Variants in MYH11 observed in about 807,000 individuals in gnomAD.
MYH11 encodes myosin heavy chain 11.
Under a neutral mutation model 246.6 loss-of-function variants are expected in MYH11, and 80 were observed. The observed-to-expected ratio is 0.32, with a 90% CI of 0.27 to 0.39. The LOEUF (loss-of-function observed/expected upper bound fraction) is 0.39, where lower values mean the gene tolerates loss of function less well. Ranked by LOEUF, MYH11 falls within the 10% of genes least tolerant of loss-of-function variation. MYH11 has a pLI of 1.00. For synonymous variants in MYH11, 1,071 were observed against 1,015.5 expected (o/e 1.05, Z -1.04); for missense variants, 2,158 against 2,546.8 (o/e 0.85, Z 3.29).
chr16:15,855,200 C>T (rs1011103607), intron 1 of MYH11, among the ~76,000 whole-genome samples: 4 of 152,192 alleles, frequency 2.6e-5, no homozygotes, highest in Non-Finnish European at 4.4e-5. Context: ...GGCGGCTTCT[C>T]GGAAAAGACC....
At position 15,718,475 on chromosome 16, in the gene MYH11, T is replaced by TC. The variant is rs774173089; in HGVS notation, c.5172-38dup. 2.0e-6 allele frequency: 3 copies of TC among 1,536,064 alleles called. No homozygotes were observed. The African/African-American group carries it at 4.1e-5, about 21-fold the overall frequency. ...GCGGCCATGGTGGGGGCCTCTACCC[T>TC]CCCCCGCCTTAAAAGATGCCCCCTC... On this transcript the variant is annotated intron_variant, in intron 36 of 40. Transcript: ENST00000300036.
intron 2 of MYH11, among the ~76,000 whole-genome samples, chr16:15,826,286 A>T (rs1006400050): frequency 2.0e-5 from 3 of 152,042 alleles, no homozygotes; most frequent in African/African-American, 7.2e-5. Context: ...GCTGGAGCCA[A>T]TTAGAGAGTG....
rs1043788184 is a variant in MYH11, at chr16:15,721,231, C to G, written c.4579-180G>C. 5 of 927,056 alleles carry G rather than the reference C, an allele frequency of 5.4e-6. No individual in the cohort carries two copies. In the Admixed American group the frequency reaches 8.1e-5, roughly 15 times the overall value. The allele number at this position is 927,056 out of a possible 1,614,324, so 57.4% of individuals were successfully genotyped here. A position where few individuals can be genotyped will look rare whatever the true frequency, so the allele number is the denominator to read the frequency against. On this transcript the variant is annotated intron_variant, in intron 32 of 40. Coordinates refer to ENST00000300036, the MANE Select transcript of MYH11 (RefSeq NM_002474.3). The stretch of plus-strand genomic sequence containing the variant: ...GACCCCAGCCTTATCCTCGGACCCC[C>G]CAACTCAGACCCATCCTCGACTGCC...
intron 2 of MYH11, among the ~76,000 whole-genome samples, chr16:15,832,844 G>C (rs559971892): frequency 6.7e-6 from 1 of 149,978 alleles, no homozygotes; most frequent in Admixed American, 6.7e-5. Context: ...ATCATAGGTA[G>C]TCACCCTGGC....
chr16:15,798,555 G>A, intron 4 of MYH11, 105 bp downstream of exon 4: 2 of 1,164,292 alleles, frequency 1.7e-6, no homozygotes, highest in Non-Finnish European at 2.4e-6. Context: ...ACAAATCAAA[G>A]ATCTCTGCAC....
At chr16:15,848,232 T>G (rs76910219) in intron 1 of MYH11, among the ~76,000 whole-genome samples, 1 of 29,126 alleles carries the variant, frequency 3.4e-5, no homozygotes, top group Non-Finnish European at 1.2e-4. Flanking sequence ...CTAAGTCTTT[T>G]TTTTTTTTTT....
At chr16:15,816,726 T>C (rs2043272153) in intron 3 of MYH11, among the ~76,000 whole-genome samples, 1 of 151,528 alleles carries the variant, frequency 6.6e-6, no homozygotes, top group African/African-American at 2.4e-5. Flanking sequence ...ATACCTAAAA[T>C]TGAAAACAAA....
chr16:15,814,326 G>T (rs62030623), intron 3 of MYH11, among the ~76,000 whole-genome samples: 19,163 of 151,842 alleles, frequency 0.13, 1,275 homozygotes, highest in East Asian at 0.15. Context: ...GCCGAGTTGG[G>T]TGGATCACCT....
intron 12 of MYH11, 106 bp from the exon 13 acceptor site, chr16:15,758,106 A>T (rs1241737731): frequency 2.0e-6 from 3 of 1,528,424 alleles, no homozygotes; most frequent in Non-Finnish European, 2.7e-6. Flanking sequence ...GCCCGCCCAC[A>T]TCCTGTTCTG....
chr16:15,809,044 A>C (rs2043078234), intron 3 of MYH11, among the ~76,000 whole-genome samples: 1 of 151,984 alleles, frequency 6.6e-6, no homozygotes, highest in South Asian at 2.1e-4. Flanking sequence ...AGCCTCATAG[A>C]ACCTATATCA....
chr16:15,727,709 C>T (rs1287709202), intron 27 of MYH11, among the ~76,000 whole-genome samples: 1 of 152,188 alleles, frequency 6.6e-6, no homozygotes. Flanking sequence ...CATGGCAGCT[C>T]ATACTTGTCA....
chr16:15,746,341 G>T (rs1056033870), intron 19 of MYH11, among the ~76,000 whole-genome samples: 1 of 152,102 alleles, frequency 6.6e-6, no homozygotes, highest in Non-Finnish European at 1.5e-5. Context: ...AACAGTGAAC[G>T]TAATTCTGTC....
rs2042413449 is a variant in MYH11, at chr16:15,784,057, C to G, written c.634-1580G>C. On this transcript the variant is annotated intron_variant, in intron 5 of 40. Transcript: ENST00000300036. The stretch of plus-strand genomic sequence containing the variant: ...TACATATGCACAGGTCCAAGCAGGA[C>G]CAGGTTATGCGTTGCGTAGCTGGGG... Among the ~76,000 whole-genome samples, 6 of 152,184 alleles carry G rather than the reference C, an allele frequency of 3.9e-5. 1 individual carries two copies. In the South Asian group the frequency reaches 1.2e-3, roughly 32 times the overall value.
intron 4 of MYH11, among the ~76,000 whole-genome samples, chr16:15,793,170 A>G (rs2042655681): frequency 6.6e-6 from 1 of 152,210 alleles, no homozygotes; most frequent in African/African-American, 2.4e-5. Flanking sequence ...ATCTCCAGCC[A>G]GGCCCATGGC....
intron 36 of MYH11, 167 bp downstream of exon 36, chr16:15,719,053 G>A: frequency 2.9e-6 from 2 of 688,562 alleles, no homozygotes; most frequent in Non-Finnish European, 5.2e-6. Context: ...GCTTGAACCT[G>A]GGAGGTGGAG....
intron 3 of MYH11, among the ~76,000 whole-genome samples, chr16:15,808,826 G>A (rs2043073203): frequency 1.3e-5 from 2 of 152,164 alleles, no homozygotes; most frequent in African/African-American, 4.8e-5. Context: ...CTAGGAGTTC[G>A]AGGTTACAGG....
At chr16:15,785,429 T>A (rs2042446163) in intron 5 of MYH11, 2 of 152,112 alleles carry the variant, frequency 1.3e-5, no homozygotes, top group Admixed American at 6.6e-5. Flanking sequence ...TCACTATGGC[T>A]GGAAACCAAC....
At position 15,732,594 on chromosome 16, in the gene MYH11, C is replaced by T. The variant is rs753448138; in HGVS notation, c.3621G>A (p.Glu1207=). Residue 1207 remains glutamate (E), a synonymous_variant, in exon 27 of 41, where the codon GAG becomes GAA. Coordinates refer to ENST00000300036, the MANE Select transcript of MYH11 (RefSeq NM_002474.3). The stretch of plus-strand genomic sequence containing the variant: ...TGAACTGCTCAAGCTGCTCTGTGAG[C>T]TCCTCCACCGCCTGTGCGTGTTTCT... The part of the protein sequence containing the change: ...MRQKHAQAVE[E]LTEQLEQFKR... 1.2e-6 allele frequency: 2 copies of T among 1,614,256 alleles called. No individual in the cohort carries two copies. Among genetic ancestry groups the T allele is most frequent in the South Asian group, 2.2e-5 (2 of 91,088 alleles).
intron 3 of MYH11, among the ~76,000 whole-genome samples, chr16:15,814,618 G>C (rs1398765120): frequency 6.9e-6 from 1 of 145,268 alleles, no homozygotes; most frequent in East Asian, 2.0e-4. Flanking sequence ...GAGCAGTGAG[G>C]AAAGGTGGGA....
Sources: gnomAD v4.1 joint callset for allele counts (sites outside exome capture counted in the v4.1 genomes callset) on GRCh38, gnomAD v4.1.1 for gene constraint, MANE v1.5 for transcripts, NCBI Gene and HGNC (gene_info 2026-07-23, HGNC 2026-07-21) for gene names.